The following NKAIN2 variants were observed in gnomAD, a reference collection of about 807,000 sequenced individuals.
NKAIN2 encodes the protein sodium/potassium-transporting ATPase subunit beta-1-interacting protein 2.
Under a neutral mutation model 32.6 loss-of-function variants are expected in NKAIN2, and 14 were observed. That is an observed-to-expected ratio of 0.43 (90% confidence interval 0.28 to 0.67). The LOEUF is 0.67. Among genes scored for constraint, NKAIN2 ranks in the 30% least tolerant of loss-of-function variants. NKAIN2 has a pLI of 0.17. For synonymous variants in NKAIN2, 80 were observed against 87.2 expected (o/e 0.92, Z 0.46); for missense variants, 198 against 258.3 (o/e 0.77, Z 1.60).
chr6:124,414,998 T>C (rs1438798656), intron 3 of NKAIN2, among the ~76,000 whole-genome samples: 2 of 152,220 alleles, frequency 1.3e-5, no homozygotes, highest in Non-Finnish European at 2.9e-5. Context: ...AATTGCTTTT[T>C]CTATCGTCTC....
At chr6:123,806,534 C>A (rs759398893) in intron 1 of NKAIN2, among the ~76,000 whole-genome samples, 3 of 151,970 alleles carry the variant, frequency 2.0e-5, no homozygotes, top group African/African-American at 4.8e-5. Flanking sequence ...AAGCCCTGCA[C>A]TAAAAAATAG....
intron 4 of NKAIN2, among the ~76,000 whole-genome samples, chr6:124,756,793 CATCTTT>C: frequency 6.6e-6 from 1 of 152,090 alleles, no homozygotes; most frequent in Non-Finnish European, 1.5e-5. Context: ...CCTCCTTCCT[CATCTTT>C]ATCTTTAGGT....
intron 1 of NKAIN2, among the ~76,000 whole-genome samples, chr6:123,848,324 T>TA (rs2114950908): frequency 6.6e-6 from 1 of 152,298 alleles, no homozygotes; most frequent in South Asian, 2.1e-4. Flanking sequence ...TGCTACCTGA[T>TA]ATGGTTTAGC....
Position 124,791,268 on chromosome 6 carries a change from A to G in NKAIN2, c.475-71A>G. ...TGGTTGTAAACTGCCTGACTTTGAA[A>G]AGCCACTCTCCAGTGAGGTCTGGTG... On this transcript the variant is annotated intron_variant, in intron 4 of 6. Coordinates refer to ENST00000368417, the MANE Select transcript of NKAIN2 (RefSeq NM_001040214.3). 1.3e-5 allele frequency: 15 copies of G among 1,170,054 alleles called. No individual in the cohort carries two copies. The South Asian group carries it at 2.0e-4, about 15-fold the overall frequency. 72.5% of individuals were successfully genotyped at this position (1,170,054 alleles called of 1,614,324 possible).
chr6:124,696,523 C>CA (rs1173219513), intron 4 of NKAIN2, among the ~76,000 whole-genome samples: 5 of 152,000 alleles, frequency 3.3e-5, no homozygotes, highest in Admixed American at 6.6e-5. Flanking sequence ...GTCTACCGGA[C>CA]AAAAAATGGA....
intron 4 of NKAIN2, among the ~76,000 whole-genome samples, chr6:124,748,201 T>C (rs1245565451): frequency 6.6e-6 from 1 of 151,938 alleles, no homozygotes; most frequent in Non-Finnish European, 1.5e-5. Context: ...TATCAACAAT[T>C]ACCTGTAAAG....
At chr6:124,818,198 AG>A (rs928878437) in intron 5 of NKAIN2, among the ~76,000 whole-genome samples, 188 bp from the exon 6 acceptor site, 17 of 151,948 alleles carry the variant, frequency 1.1e-4, no homozygotes, top group African/African-American at 3.9e-4. Flanking sequence ...GCAGTGGGGG[AG>A]GGGGGCAGCG....
chr6:123,851,161 T>A (rs1582649809), intron 1 of NKAIN2, among the ~76,000 whole-genome samples: 1 of 151,924 alleles, frequency 6.6e-6, no homozygotes, highest in South Asian at 2.1e-4. Flanking sequence ...AACATGGAAG[T>A]GCAAATGTCT....
chr6:124,658,576 C>CT, intron 4 of NKAIN2, 190 bp downstream of exon 4: 1 of 1,365,706 alleles, frequency 7.3e-7, no homozygotes, highest in Non-Finnish European at 9.8e-7. Flanking sequence ...TGCTGATTTT[C>CT]TTCGACAATT....
intron 4 of NKAIN2, among the ~76,000 whole-genome samples, chr6:124,766,916 C>T (rs1348573748): frequency 6.6e-6 from 1 of 151,852 alleles, no homozygotes; most frequent in Non-Finnish European, 1.5e-5. Context: ...GTTTTTTTGA[C>T]GGAGTTTTGC....
chr6:124,797,242 C>A (rs568251878), intron 5 of NKAIN2, among the ~76,000 whole-genome samples: 1 of 145,350 alleles, frequency 6.9e-6, no homozygotes, highest in African/African-American at 2.5e-5. Context: ...ATTATGTATT[C>A]TTGTAAATCA....
rs1776052200 is a variant in NKAIN2 at position 124,450,357 on chromosome 6, C to T, written c.273+95010C>T. On this transcript the variant is annotated intron_variant, in intron 3 of 6. Coordinates refer to ENST00000368417, the MANE Select transcript of NKAIN2 (RefSeq NM_001040214.3). ...TATATTTACATATGTCTTCTGTTAG[C>T]AATTTACCATTCTTAAAGTTTTGCT... Among the ~76,000 whole-genome samples, 4 of 151,988 alleles carry T rather than the reference C, an allele frequency of 2.6e-5. No homozygotes were observed. The South Asian group carries it at 8.3e-4, about 31-fold the overall frequency.
chr6:124,523,413 T>G (rs916378914), intron 3 of NKAIN2, among the ~76,000 whole-genome samples: 1 of 152,096 alleles, frequency 6.6e-6, no homozygotes, highest in Non-Finnish European at 1.5e-5. Context: ...ATGTTGAGTG[T>G]GGCTATACTT....
intron 1 of NKAIN2, among the ~76,000 whole-genome samples, chr6:124,061,985 GGT>G (rs1782936239): frequency 6.6e-6 from 1 of 152,030 alleles, no homozygotes; most frequent in Admixed American, 6.6e-5. Context: ...ACACAAACGT[GGT>G]GCAGAAACTG....
At chr6:123,912,560 G>A (rs952267709) in intron 1 of NKAIN2, among the ~76,000 whole-genome samples, 6 of 152,090 alleles carry the variant, frequency 3.9e-5, no homozygotes, top group African/African-American at 1.2e-4. Context: ...CACATTGTCT[G>A]TTGTAAATGT....
At position 123,909,088 on chromosome 6, in the gene NKAIN2, TTTC is replaced by T. The variant is rs1397359395; in HGVS notation, c.54+104837_54+104839del. ...CTATGAATATATTCCAGTCATTTTT[TTTC>T]TTTTTTAATTAAGTAAAATCTCACT... On this transcript the variant is annotated intron_variant, in intron 1 of 6. Coordinates refer to ENST00000368417, the MANE Select transcript of NKAIN2 (RefSeq NM_001040214.3). Among the ~76,000 whole-genome samples, 13 of 152,268 alleles carry T rather than the reference TTTC, an allele frequency of 8.5e-5. No individual in the cohort carries two copies. In the East Asian group the frequency reaches 2.5e-3, roughly 29 times the overall value.
At chr6:124,795,346 G>A (rs191054191) in intron 5 of NKAIN2, among the ~76,000 whole-genome samples, 41 of 152,246 alleles carry the variant, frequency 2.7e-4, no homozygotes, top group Non-Finnish European at 4.7e-4. Flanking sequence ...AACTTCAGAG[G>A]AAAGAGGCAG....
chr6:124,510,530 T>C (rs1778670708), intron 3 of NKAIN2, among the ~76,000 whole-genome samples: 1 of 152,136 alleles, frequency 6.6e-6, no homozygotes, highest in Admixed American at 6.5e-5. Flanking sequence ...GCATGCCATC[T>C]TTATAAAGTT....
At chr6:123,895,971 A>G (rs75328183) in intron 1 of NKAIN2, among the ~76,000 whole-genome samples, 2 of 152,348 alleles carry the variant, frequency 1.3e-5, no homozygotes, top group East Asian at 3.9e-4. Flanking sequence ...ATTCAGTATC[A>G]TGCATATGAC....
Sources: allele counts gnomAD v4.1 joint callset (sites outside exome capture counted in the v4.1 genomes callset), GRCh38; gene constraint gnomAD v4.1.1; transcripts MANE v1.5; gene names NCBI Gene and HGNC (gene_info 2026-07-23, HGNC 2026-07-21).